The following STXBP5L variants were observed in gnomAD, a reference collection of about 807,000 sequenced individuals.
STXBP5L encodes the protein syntaxin-binding protein 5-like.
Under a neutral mutation model 144.5 loss-of-function variants are expected in STXBP5L, and 65 were observed. The ratio of observed to expected loss-of-function variants is 0.45; its 90% CI spans 0.37 to 0.55. The LOEUF is 0.55. Among genes scored for constraint, STXBP5L ranks in the 20% least tolerant of loss-of-function variants. The pLI, the probability that STXBP5L is intolerant of heterozygous loss-of-function variation, is 0.00. For missense variants in STXBP5L, 1,298 were observed against 1,405.5 expected, an observed-to-expected ratio of 0.92 and a Z score of 1.22; for synonymous variants, 505 against 469.6, an observed-to-expected ratio of 1.08 and a Z score of -0.97.
intron 7 of STXBP5L, among the ~76,000 whole-genome samples, chr3:121,147,994 C>T (rs2045779498): frequency 1.3e-5 from 2 of 152,022 alleles, no homozygotes; most frequent in South Asian, 4.1e-4. Context: ...CTCAGACTGG[C>T]ACACCATCAG....
intron 5 of STXBP5L, among the ~76,000 whole-genome samples, chr3:121,051,156 G>A (rs1043169853): frequency 5.3e-5 from 8 of 152,120 alleles, no homozygotes; most frequent in Non-Finnish European, 1.2e-4. Flanking sequence ...ACACCCCACT[G>A]TCAACATTAG....
intron 20 of STXBP5L, among the ~76,000 whole-genome samples, chr3:121,347,014 T>G (rs2108599276): frequency 6.6e-6 from 1 of 152,344 alleles, no homozygotes; most frequent in East Asian, 1.9e-4. Flanking sequence ...GTTTTAGACA[T>G]GAAGTCCTTG....
intron 9 of STXBP5L, among the ~76,000 whole-genome samples, chr3:121,196,439 A>G (rs377308207): frequency 6.6e-6 from 1 of 151,980 alleles, no homozygotes; most frequent in Non-Finnish European, 1.5e-5. Flanking sequence ...GCACCCGGCA[A>G]TATTAATTCT....
intron 2 of STXBP5L, among the ~76,000 whole-genome samples, chr3:120,911,632 G>A (rs962348276): frequency 6.6e-6 from 1 of 151,976 alleles, no homozygotes; most frequent in Admixed American, 6.6e-5. Context: ...GTAAAATCAC[G>A]TGTTCATAGT....
intron 22 of STXBP5L, among the ~76,000 whole-genome samples, chr3:121,395,262 A>G (rs1483179328): frequency 6.6e-6 from 1 of 152,242 alleles, no homozygotes; most frequent in Non-Finnish European, 1.5e-5. Context: ...ACGGAAAACA[A>G]AACAAAACTC....
chr3:121,021,615 C>G (rs1279089248), intron 3 of STXBP5L, among the ~76,000 whole-genome samples: 1 of 151,964 alleles, frequency 6.6e-6, no homozygotes, highest in African/African-American at 2.4e-5. Flanking sequence ...CAAAAGGAAC[C>G]CTCAAAACCA....
chr3:121,293,592 G>T (rs1314880586), intron 19 of STXBP5L, among the ~76,000 whole-genome samples: 2 of 152,200 alleles, frequency 1.3e-5, no homozygotes, highest in Non-Finnish European at 1.5e-5. Flanking sequence ...AGGTGCGGTG[G>T]CTCACGCCTG....
chr3:121,196,936 G>A (rs1316744764), intron 9 of STXBP5L, among the ~76,000 whole-genome samples: 1 of 152,108 alleles, frequency 6.6e-6, no homozygotes, highest in African/African-American at 2.4e-5. Context: ...TTCCACCCCA[G>A]CCTCCCAAAG....
At chr3:120,978,725 G>T (rs1274774641) in intron 3 of STXBP5L, among the ~76,000 whole-genome samples, 4 of 152,120 alleles carry the variant, frequency 2.6e-5, no homozygotes, top group African/African-American at 9.7e-5. Context: ...GGGTTTTGGT[G>T]TGTATATCCT....
intron 5 of STXBP5L, among the ~76,000 whole-genome samples, chr3:121,054,978 G>A (rs559972857): frequency 1.3e-5 from 2 of 152,176 alleles, no homozygotes; most frequent in East Asian, 3.9e-4. Context: ...CTTTTTGGGA[G>A]GAAGAATTGA....
At chr3:121,199,909 A>G (rs2048071933) in intron 9 of STXBP5L, among the ~76,000 whole-genome samples, 1 of 151,576 alleles carries the variant, frequency 6.6e-6, no homozygotes, top group African/African-American at 2.4e-5. Flanking sequence ...AGATTTTTGT[A>G]TTGATGTTCA....
intron 5 of STXBP5L, among the ~76,000 whole-genome samples, chr3:121,096,011 G>T (rs555707082): frequency 2.6e-5 from 4 of 151,966 alleles, no homozygotes; most frequent in Non-Finnish European, 5.9e-5. Context: ...CGCTTCTCTG[G>T]GCTAGGAAGT....
intron 10 of STXBP5L, among the ~76,000 whole-genome samples, chr3:121,212,234 T>A (rs1374243421): frequency 6.6e-6 from 1 of 152,126 alleles, no homozygotes; most frequent in East Asian, 1.9e-4. Flanking sequence ...TCCCATTTGT[T>A]AATTTTGCCT....
chr3:121,373,475 A>G (rs541483007), intron 20 of STXBP5L, among the ~76,000 whole-genome samples: 3 of 152,244 alleles, frequency 2.0e-5, no homozygotes, highest in African/African-American at 7.2e-5. Flanking sequence ...AGTAAACACC[A>G]AACTACATCC....
At chr3:120,991,874 A>G (rs1363927576) in intron 3 of STXBP5L, among the ~76,000 whole-genome samples, 1 of 152,154 alleles carries the variant, frequency 6.6e-6, no homozygotes, top group East Asian at 1.9e-4. Context: ...TGACGAGTTA[A>G]TGGGTGCAGC....
chr3:121,092,782 G>T (rs1197055917), intron 5 of STXBP5L, among the ~76,000 whole-genome samples: 1 of 152,010 alleles, frequency 6.6e-6, no homozygotes, highest in African/African-American at 2.4e-5. Context: ...CTGTCTAATT[G>T]CCCTGGCCAG....
intron 5 of STXBP5L, among the ~76,000 whole-genome samples, chr3:121,074,822 A>C (rs1478188915): frequency 6.6e-6 from 1 of 152,182 alleles, no homozygotes; most frequent in East Asian, 1.9e-4. Flanking sequence ...TTTTCCTAAC[A>C]AGGGCACCAG....
At chr3:121,389,952 T>C (rs564603902) in intron 22 of STXBP5L, among the ~76,000 whole-genome samples, 3 of 152,224 alleles carry the variant, frequency 2.0e-5, no homozygotes, top group Admixed American at 6.5e-5. Flanking sequence ...GTTAACCTTC[T>C]GTCTCGTGGA....
chr3:121,285,711 T>C (rs1034002677), intron 19 of STXBP5L, among the ~76,000 whole-genome samples: 18 of 152,140 alleles, frequency 1.2e-4, no homozygotes, highest in Non-Finnish European at 2.9e-5. Context: ...TTGTTTTACC[T>C]TTTCCATTTA....
Sources: allele counts gnomAD v4.1 joint callset (sites outside exome capture counted in the v4.1 genomes callset), GRCh38; gene constraint gnomAD v4.1.1; transcripts MANE v1.5; gene names NCBI Gene and HGNC (gene_info 2026-07-23, HGNC 2026-07-21).